Variants in ATE1 observed in about 807,000 individuals in gnomAD.
ATE1 encodes the protein arginyltransferase 1.
In ATE1, 36 loss-of-function variants were observed where a neutral mutation model predicts 70.5. The ratio of observed to expected loss-of-function variants is 0.51; its 90% CI spans 0.39 to 0.67. The LOEUF is 0.67. ATE1 is among the 30% of genes least tolerant of loss of function. ATE1 has a pLI of 0.00. For synonymous variants in ATE1, 232 were observed against 219.3 expected, an observed-to-expected ratio of 1.06 and a Z score of -0.51; for missense variants, 593 against 629.5, an observed-to-expected ratio of 0.94 and a Z score of 0.62.
chr10:121,918,568 A>T (rs1006310626), intron 3 of ATE1, among the ~76,000 whole-genome samples: 2 of 152,180 alleles, frequency 1.3e-5, no homozygotes, highest in Non-Finnish European at 2.9e-5. Flanking sequence ...ATCACAGATT[A>T]AGCCAATCAA....
chr10:121,776,778 T>G (rs1186055261), intron 11 of ATE1, among the ~76,000 whole-genome samples: 1 of 152,252 alleles, frequency 6.6e-6, no homozygotes, highest in Non-Finnish European at 1.5e-5. Flanking sequence ...GAGTATTATA[T>G]GTCAACATAA....
At chr10:121,882,201 T>G (rs1341985721) in intron 7 of ATE1, among the ~76,000 whole-genome samples, 2 of 113,346 alleles carry the variant, frequency 1.8e-5, no homozygotes, top group Non-Finnish European at 4.3e-5. Flanking sequence ...ATATTACTTC[T>G]TTTTTTATTT....
At chr10:121,773,429 T>C (rs1359345761) in intron 11 of ATE1, among the ~76,000 whole-genome samples, 1 of 152,216 alleles carries the variant, frequency 6.6e-6, no homozygotes, top group Non-Finnish European at 1.5e-5. Flanking sequence ...ACAATTGTTT[T>C]GTTCCAGGCC....
intron 8 of ATE1, among the ~76,000 whole-genome samples, chr10:121,845,432 G>T (rs1255164629): frequency 1.3e-5 from 2 of 152,186 alleles, no homozygotes; most frequent in African/African-American, 2.4e-5. Flanking sequence ...GGAGTTTGCA[G>T]CATCCCAGGA....
chr10:121,842,512 CA>C (rs1419189746), intron 8 of ATE1, among the ~76,000 whole-genome samples: 1 of 151,406 alleles, frequency 6.6e-6, no homozygotes, highest in East Asian at 1.9e-4. Context: ...CAAAACCAAG[CA>C]AAAAAATCAA....
intron 10 of ATE1, among the ~76,000 whole-genome samples, chr10:121,809,374 G>T (rs1025351295): frequency 6.6e-6 from 1 of 151,258 alleles, no homozygotes; most frequent in Non-Finnish European, 1.5e-5. Context: ...TCAGCTACAC[G>T]AGTGTTTTTC....
chr10:121,833,038 A>G (rs138296316), intron 10 of ATE1, among the ~76,000 whole-genome samples: 3 of 152,308 alleles, frequency 2.0e-5, no homozygotes, highest in African/African-American at 7.2e-5. Context: ...GTCTATACTG[A>G]AATGCAGATA....
chr10:121,917,644 G>GA (rs1049054348), intron 3 of ATE1, among the ~76,000 whole-genome samples: 8 of 150,836 alleles, frequency 5.3e-5, no homozygotes, highest in African/African-American at 1.7e-4. Flanking sequence ...AACAGAAAAA[G>GA]AAAAAAAATG....
At chr10:121,749,554 A>G (rs1944500188) in intron 11 of ATE1, among the ~76,000 whole-genome samples, 1 of 152,234 alleles carries the variant, frequency 6.6e-6, no homozygotes, top group South Asian at 2.1e-4. Flanking sequence ...AAAACTATCA[A>G]ACTGAATGAA....
intron 11 of ATE1, among the ~76,000 whole-genome samples, chr10:121,770,012 T>C (rs1002334073): frequency 6.6e-6 from 1 of 152,236 alleles, no homozygotes; most frequent in Non-Finnish European, 1.5e-5. Context: ...GCTGGGCATT[T>C]ATCAGAACTC....
At chr10:121,788,851 T>C (rs1004758805) in intron 11 of ATE1, among the ~76,000 whole-genome samples, 2 of 152,242 alleles carry the variant, frequency 1.3e-5, no homozygotes, top group Non-Finnish European at 2.9e-5. Flanking sequence ...GTCAACTTAA[T>C]GCAACCCATC....
intron 8 of ATE1, among the ~76,000 whole-genome samples, chr10:121,843,145 A>C (rs1213043666): frequency 3.3e-5 from 5 of 152,206 alleles, no homozygotes; most frequent in African/African-American, 7.2e-5. Flanking sequence ...TACAAGGGTA[A>C]TATACAAAAG....
intron 5 of ATE1, among the ~76,000 whole-genome samples, chr10:121,905,131 G>C (rs1564949643): frequency 6.6e-6 from 1 of 152,078 alleles, no homozygotes; most frequent in Non-Finnish European, 1.5e-5. Flanking sequence ...ACGTTTCCCT[G>C]TCTGTACAAG....
upstream of ATE1, chr10:121,928,227 G>T (rs1361430727): frequency 1.5e-6 from 2 of 1,368,628 alleles, no homozygotes; most frequent in African/African-American, 3.1e-5. Flanking sequence ...AGGGAAACAG[G>T]ATGGGGAGAG....
chr10:121,926,728 T>A, intron 1 of ATE1: 2 of 985,372 alleles, frequency 2.0e-6, no homozygotes, highest in Non-Finnish European at 2.4e-6. Context: ...TCTAAGGCCA[T>A]ATTACCACTG....
chr10:121,921,559 T>TCC (rs1951882365), intron 3 of ATE1, among the ~76,000 whole-genome samples: 1 of 151,550 alleles, frequency 6.6e-6, no homozygotes, highest in Non-Finnish European at 1.5e-5. Context: ...ACTTCAAGTA[T>TCC]TGTTTTATCT....
At chr10:121,869,854 C>A (rs1949789661) in intron 8 of ATE1, 152 bp downstream of exon 8, 2 of 553,112 alleles carry the variant, frequency 3.6e-6, no homozygotes, top group South Asian at 5.7e-5. Context: ...AAAAAAAAGC[C>A]TGCAGTAACT....
intron 10 of ATE1, among the ~76,000 whole-genome samples, chr10:121,791,914 T>C (rs906888515): frequency 2.6e-5 from 4 of 152,200 alleles, no homozygotes; most frequent in Non-Finnish European, 5.9e-5. Flanking sequence ...TCGGCAGTGA[T>C]TCTGTTCGAC....
intron 11 of ATE1, among the ~76,000 whole-genome samples, chr10:121,786,685 C>T (rs1010801808): frequency 1.3e-5 from 2 of 151,990 alleles, no homozygotes; most frequent in Non-Finnish European, 2.9e-5. Context: ...CACAGGGTAG[C>T]AGCATTTGTT....
Sources: allele counts gnomAD v4.1 joint callset (sites outside exome capture counted in the v4.1 genomes callset), GRCh38; gene constraint gnomAD v4.1.1; transcripts MANE v1.5; gene names NCBI Gene and HGNC (gene_info 2026-07-23, HGNC 2026-07-21).